Variants in TEX11 observed in about 807,000 individuals in gnomAD.
TEX11 encodes testis-expressed protein 11.
TEX11 carries 7 observed loss-of-function variants against 84.4 expected under a neutral mutation model. The observed-to-expected ratio is 0.08, with a 90% CI of 0.05 to 0.16. The LOEUF is 0.16. Among genes scored for constraint, TEX11 ranks in the 10% least tolerant of loss-of-function variants. The pLI is 1.00. For synonymous variants in TEX11, 264 were observed against 222.8 expected (o/e 1.18, Z -1.64); for missense variants, 551 against 660.5 (o/e 0.83, Z 1.82).
intron 15 of TEX11, chrX:70,673,508 A>G (rs776315797): frequency 8.9e-6 from 1 of 111,969 alleles, no homozygotes; most frequent in African/African-American, 3.2e-5. Flanking sequence ...AATAGGCTGC[A>G]CATGACCTGG....
At chrX:70,810,720 C>T (rs2091247770) in intron 8 of TEX11, among the ~76,000 whole-genome samples, 2 of 110,069 alleles carry the variant, frequency 1.8e-5, no homozygotes, top group Admixed American at 1.9e-4. Flanking sequence ...TGCAGCAAAC[C>T]ACCATGGCAC....
At chrX:70,539,604 C>T (rs1039771182) in intron 28 of TEX11, among the ~76,000 whole-genome samples, 9 of 111,019 alleles carry the variant, frequency 8.1e-5, no homozygotes, top group African/African-American at 3.0e-4. Flanking sequence ...TGTAGGTTTC[C>T]CCCCCACCAT....
At chrX:70,644,547 A>T (rs2089714081) in intron 17 of TEX11, among the ~76,000 whole-genome samples, 1 of 107,818 alleles carries the variant, frequency 9.3e-6, no homozygotes, top group South Asian at 4.3e-4. Flanking sequence ...GATAGATTGG[A>T]TTAAGAAAAT....
intron 4 of TEX11, among the ~76,000 whole-genome samples, chrX:70,872,201 G>A (rs1376073069): frequency 9.0e-6 from 1 of 111,460 alleles, no homozygotes; most frequent in African/African-American, 3.3e-5. Flanking sequence ...TAAATTCCTA[G>A]CTCTTACCTC....
chrX:70,820,830 G>A lies in TEX11; in HGVS notation c.606+12683C>T, dbSNP rs145672562. Reference sequence around the variant, plus strand: ...CCCCACCTCCAACATTGGAGATTACGCTTCAACATGAGATTCTGAGGGACA... The same window carrying A: ...CCCCACCTCCAACATTGGAGATTACACTTCAACATGAGATTCTGAGGGACA... On this transcript the variant is annotated intron_variant, in intron 8 of 29. Transcript: ENST00000374333. Among the ~76,000 whole-genome samples, 57 of 111,668 alleles carry A rather than the reference G, an allele frequency of 5.1e-4. No homozygotes were observed. The East Asian group carries it at 0.014, about 27-fold the overall frequency.
At chrX:70,703,895 G>C (rs2090346422) in intron 13 of TEX11, among the ~76,000 whole-genome samples, 2 of 111,668 alleles carry the variant, frequency 1.8e-5, no homozygotes, top group African/African-American at 3.3e-5. Flanking sequence ...CCCTGGTATG[G>C]TTTGGACATG....
intron 25 of TEX11, among the ~76,000 whole-genome samples, chrX:70,565,371 G>A (rs1332966068): frequency 1.9e-5 from 2 of 107,101 alleles, no homozygotes; most frequent in Admixed American, 2.0e-4. Context: ...CACTCTGATG[G>A]TAGTTTCTTT....
At chrX:70,860,968 CAA>C in intron 4 of TEX11, 32 bp from the exon 5 acceptor site, 1 of 935,481 alleles carries the variant, frequency 1.1e-6, no homozygotes, top group Non-Finnish European at 1.5e-6. Flanking sequence ...ATGATAAACA[CAA>C]AACATTCATT....
intron 24 of TEX11, among the ~76,000 whole-genome samples, chrX:70,600,190 T>C (rs1044959136): frequency 8.0e-5 from 9 of 111,960 alleles, no homozygotes; most frequent in Admixed American, 2.8e-4. Context: ...TGTTGTTTCC[T>C]GACTTTTTAA....
intron 2 of TEX11, among the ~76,000 whole-genome samples, chrX:70,899,601 A>T (rs751819727): frequency 6.9e-4 from 75 of 108,408 alleles, no homozygotes; most frequent in Non-Finnish European, 1.3e-3. Flanking sequence ...ATCATCATAA[A>T]TATAATAGAA....
At chrX:70,645,867 T>A (rs1366356103) in intron 17 of TEX11, among the ~76,000 whole-genome samples, 2 of 110,772 alleles carry the variant, frequency 1.8e-5, no homozygotes, top group Non-Finnish European at 3.8e-5. Flanking sequence ...ACAGATGCAA[T>A]GCAATCCCTA....
intron 4 of TEX11, 143 bp downstream of exon 4, chrX:70,873,080 A>G: frequency 2.6e-6 from 1 of 379,665 alleles, no homozygotes. Context: ...TGCTTGAGAA[A>G]CCATTGTTCC....
At chrX:70,567,037 GCT>G (rs2088495174) in intron 25 of TEX11, among the ~76,000 whole-genome samples, 1 of 111,079 alleles carries the variant, frequency 9.0e-6, no homozygotes, top group African/African-American at 3.3e-5. Context: ...CTGGTCCTGG[GCT>G]CTTTTTGGTT....
chrX:70,745,758 A>T (rs950354404), intron 9 of TEX11, among the ~76,000 whole-genome samples: 4 of 111,934 alleles, frequency 3.6e-5, no homozygotes, highest in Non-Finnish European at 7.5e-5. Flanking sequence ...AATATAAATA[A>T]ACATAAACTA....
chrX:70,713,728 T>C (rs1418712080), intron 13 of TEX11, among the ~76,000 whole-genome samples: 4 of 111,278 alleles, frequency 3.6e-5, no homozygotes, highest in African/African-American at 1.3e-4. Context: ...TTTGTTGATC[T>C]TTTCAAAAAA....
At chrX:70,591,398 C>T (rs1378491410) in intron 25 of TEX11, among the ~76,000 whole-genome samples, 1 of 109,176 alleles carries the variant, frequency 9.2e-6, no homozygotes, top group African/African-American at 3.3e-5. Flanking sequence ...GTCAGGAGTT[C>T]GAGACCAGCC....
chrX:70,806,651 C>A, intron 9 of TEX11, 54 bp downstream of exon 9: 1 of 855,050 alleles, frequency 1.2e-6, no homozygotes, highest in Non-Finnish European at 1.7e-6. Flanking sequence ...TAAATATTAA[C>A]TGACATCTAT....
intron 13 of TEX11, among the ~76,000 whole-genome samples, chrX:70,718,095 G>A (rs1324725807): frequency 9.0e-6 from 1 of 111,682 alleles, no homozygotes; most frequent in African/African-American, 3.3e-5. Flanking sequence ...GTATCAAGAG[G>A]AAAGTGGAAT....
chrX:70,679,512 G>A (rs1264324941), intron 14 of TEX11, among the ~76,000 whole-genome samples: 2 of 109,396 alleles, frequency 1.8e-5, no homozygotes, highest in African/African-American at 6.7e-5. Flanking sequence ...CTTCCCGGCC[G>A]CCATCCCATC....
Sources: allele counts gnomAD v4.1 joint callset (sites outside exome capture counted in the v4.1 genomes callset), GRCh38; gene constraint gnomAD v4.1.1; transcripts MANE v1.5; gene names NCBI Gene and HGNC (gene_info 2026-07-23, HGNC 2026-07-21).